ARIH1: variants seen among roughly 807,000 people sequenced by gnomAD.
ARIH1 encodes the protein E3 ubiquitin-protein ligase ARIH1.
A neutral mutation model predicts 85.0 loss-of-function variants in ARIH1; 8 were observed. That is an observed-to-expected ratio of 0.09 (90% CI 0.06 to 0.17). The LOEUF is 0.17. ARIH1 is among the 10% of genes least tolerant of loss of function. The probability of loss-of-function intolerance (pLI) is 1.00; values close to 1 mark genes in which losing one functional copy is unlikely to be tolerated. For synonymous variants in ARIH1, 238 were observed against 253.6 expected, an observed-to-expected ratio of 0.94 and a Z score of 0.59; for missense variants, 311 against 718.1, an observed-to-expected ratio of 0.43 and a Z score of 6.48.
intron 2 of ARIH1, among the ~76,000 whole-genome samples, chr15:72,541,782 G>C (rs1343145860): frequency 6.6e-6 from 1 of 152,216 alleles, no homozygotes; most frequent in Non-Finnish European, 1.5e-5. Flanking sequence ...CTAAGTGCTT[G>C]TAACATGCCT....
chr15:72,567,288 C>T, intron 9 of ARIH1, 111 bp downstream of exon 9: 2 of 744,104 alleles, frequency 2.7e-6, no homozygotes, highest in Non-Finnish European at 4.3e-6. Context: ...TCATCTTTTT[C>T]TCCATTGAGT....
chr15:72,575,221 G>A (rs1033572555), intron 11 of ARIH1, among the ~76,000 whole-genome samples: 2 of 152,044 alleles, frequency 1.3e-5, no homozygotes, highest in African/African-American at 2.4e-5. Context: ...TCTTTTCCAC[G>A]CTCCCCAAAC....
At chr15:72,518,704 CTT>C (rs939994609) in intron 2 of ARIH1, among the ~76,000 whole-genome samples, 4 of 151,058 alleles carry the variant, frequency 2.6e-5, no homozygotes, top group African/African-American at 9.7e-5. Context: ...AGGAGAATCA[CTT>C]TAACCTGGGA....
At chr15:72,514,363 C>T (rs546625976) in intron 1 of ARIH1, among the ~76,000 whole-genome samples, 1 of 152,150 alleles carries the variant, frequency 6.6e-6, no homozygotes, top group African/African-American at 2.4e-5. Flanking sequence ...TGATAGTGAG[C>T]CGGTCCAGTG....
intron 2 of ARIH1, among the ~76,000 whole-genome samples, chr15:72,526,185 T>G (rs911177225): frequency 3.3e-5 from 5 of 152,208 alleles, no homozygotes; most frequent in African/African-American, 1.2e-4. Context: ...TAGTTAAAAT[T>G]GTGAAATATT....
intron 1 of ARIH1, among the ~76,000 whole-genome samples, chr15:72,491,095 G>A (rs557900491): frequency 6.6e-6 from 1 of 152,262 alleles, no homozygotes; most frequent in East Asian, 1.9e-4. Context: ...CAGGCTGGAT[G>A]ACAGAGTAAG....
intron 1 of ARIH1, among the ~76,000 whole-genome samples, chr15:72,517,505 A>G (rs770197316): frequency 1.3e-5 from 2 of 151,470 alleles, no homozygotes; most frequent in South Asian, 2.1e-4. Flanking sequence ...GCTCACTGCA[A>G]CCTCCATCTC....
At chr15:72,498,536 C>A (rs2063889391) in intron 1 of ARIH1, among the ~76,000 whole-genome samples, 1 of 152,158 alleles carries the variant, frequency 6.6e-6, no homozygotes, top group Non-Finnish European at 1.5e-5. Context: ...TTTCTGTATA[C>A]CCTTGCTGAT....
At chr15:72,523,689 A>AATGT (rs1231995965) in intron 2 of ARIH1, among the ~76,000 whole-genome samples, 8 of 152,102 alleles carry the variant, frequency 5.3e-5, no homozygotes, top group Admixed American at 2.6e-4. Context: ...AGGTTCATTG[A>AATGT]ATGTACCACT....
intron 1 of ARIH1, among the ~76,000 whole-genome samples, chr15:72,478,034 G>C (rs956947906): frequency 2.0e-5 from 3 of 152,134 alleles, no homozygotes; most frequent in Admixed American, 6.5e-5. Flanking sequence ...CTGAACTCCT[G>C]GCCTCAAGTG....
rs1411307546 is a variant in ARIH1 at position 72,583,293 on chromosome 15, G to A, written c.*1G>A. 1 of 1,610,834 alleles carries A rather than the reference G, an allele frequency of 6.2e-7. No individual in the cohort carries two copies. Among genetic ancestry groups the A allele is most frequent in the African/African-American group, 1.3e-5 (1 of 74,704 alleles). ...TCTGTGGGAGTACATTGAGGACTGAGAATGGCCCTGCATAAAATGAACTCT... is the reference window on the plus strand; with the variant it reads ...TCTGTGGGAGTACATTGAGGACTGAAAATGGCCCTGCATAAAATGAACTCT... On this transcript the variant is annotated 3_prime_UTR_variant, in exon 14 of 14. Transcript: ENST00000379887.
chr15:72,519,475 G>GTTTTTTTTTTTTTTTTTTTTTTTTTTT (rs150165121), intron 2 of ARIH1, among the ~76,000 whole-genome samples: 3 of 62,544 alleles, frequency 4.8e-5, no homozygotes, highest in African/African-American at 6.5e-5. Context: ...TGTTTTTTTT[G>GTTTTTTTTTTTTTTTTTTTTTTTTTTT]TTTTTTTTTT....
Position 72,596,717 on chromosome 15 carries a change from T to C in ARIH1, c.*13425T>C, listed in dbSNP as rs560258649. On this transcript the variant is annotated 3_prime_UTR_variant, in exon 14 of 14. Transcript: ENST00000379887. ...TTGATGCTTTCCAATGTTAACCTGTTAAACTTGTTTATTGAATTCTCCATT... is the reference window on the plus strand; with the variant it reads ...TTGATGCTTTCCAATGTTAACCTGTCAAACTTGTTTATTGAATTCTCCATT... 4 of 152,344 alleles carry C rather than the reference T, an allele frequency of 2.6e-5. No individual in the cohort carries two copies. Among genetic ancestry groups the C allele is most frequent in the African/African-American group, 9.6e-5 (4 of 41,590 alleles). The allele number at this position is 152,344 out of a possible 1,614,324, so 9.4% of individuals were successfully genotyped here. A position where few individuals can be genotyped will look rare whatever the true frequency, so the allele number is the denominator to read the frequency against.
chr15:72,489,445 G>A (rs534360873), intron 1 of ARIH1, among the ~76,000 whole-genome samples: 2 of 152,108 alleles, frequency 1.3e-5, no homozygotes, highest in South Asian at 4.1e-4. Context: ...GGTATCAGTG[G>A]CACCAAAGTA....
chr15:72,578,834 A>C lies in ARIH1; in HGVS notation c.1216-1897A>C, dbSNP rs1417215972. ...TTTTGGTGTTTTGTTTTTTTTTTTC[A>C]GAGGTAGAGTCTCGTTCTCTCCCCA... is the stretch of plus-strand genomic sequence containing the variant. On this transcript the variant is annotated intron_variant, in intron 11 of 13. Transcript: ENST00000379887. Among the ~76,000 whole-genome samples, 7 of 94,058 alleles carry C rather than the reference A, an allele frequency of 7.4e-5. No homozygotes were observed. In the Admixed American group the frequency reaches 7.6e-4, roughly 10 times the overall value. 61.7% of individuals were successfully genotyped at this position (94,058 alleles called of 152,430 possible).
At chr15:72,542,886 T>C (rs2064113382) in intron 2 of ARIH1, among the ~76,000 whole-genome samples, 1 of 152,068 alleles carries the variant, frequency 6.6e-6, no homozygotes, top group South Asian at 2.1e-4. Context: ...TAATCTCTTA[T>C]GCTTTCAGTT....
At chr15:72,557,004 G>C (rs966708209) in intron 5 of ARIH1, among the ~76,000 whole-genome samples, 2 of 152,256 alleles carry the variant, frequency 1.3e-5, no homozygotes, top group Admixed American at 6.5e-5. Flanking sequence ...GTTTGCTATT[G>C]TGAATAATGC....
chr15:72,510,710 C>T (rs916784766), intron 1 of ARIH1, among the ~76,000 whole-genome samples: 13 of 110,956 alleles, frequency 1.2e-4, no homozygotes, highest in African/African-American at 4.5e-4. Context: ...GCACTCCAGC[C>T]TGGGCAACAG....
In ARIH1 at chr15:72,589,246, G is replaced by A. The variant is rs1339496456; in HGVS notation, c.*5954G>A. On this transcript the variant is annotated 3_prime_UTR_variant, in exon 14 of 14. Coordinates refer to ENST00000379887, the MANE Select transcript of ARIH1 (RefSeq NM_005744.5). ...AAAGTTACACATTGAGTGTATAACAGGGCCATGCTTGTCTGATTCCATATG... is the reference window on the plus strand; with the variant it reads ...AAAGTTACACATTGAGTGTATAACAAGGCCATGCTTGTCTGATTCCATATG... The A allele has an allele frequency of 6.6e-6, 1 of 152,150 alleles. No homozygotes were observed. The highest frequency in any genetic ancestry group is 1.5e-5 in the Non-Finnish European group (1 of 68,038). 9.4% of individuals were successfully genotyped at this position (152,150 alleles called of 1,614,324 possible). A position where few individuals can be genotyped will look rare whatever the true frequency, so the allele number is the denominator to read the frequency against.
Sources: allele counts gnomAD v4.1 joint callset (sites outside exome capture counted in the v4.1 genomes callset), GRCh38; gene constraint gnomAD v4.1.1; transcripts MANE v1.5; gene names NCBI Gene and HGNC (gene_info 2026-07-23, HGNC 2026-07-21).